The following LMLN variants were observed in gnomAD, a reference collection of about 807,000 sequenced individuals.
The protein encoded by LMLN is leishmanolysin-like peptidase.
LMLN carries 70 observed loss-of-function variants against 92.3 expected under a neutral mutation model. The observed-to-expected ratio is 0.76, with a 90% CI of 0.63 to 0.92. The LOEUF is 0.92. Ranked by LOEUF, LMLN falls within the 40% of genes least tolerant of loss-of-function variation. The pLI, the probability that LMLN is intolerant of heterozygous loss-of-function variation, is 0.00. For missense variants in LMLN, 691 were observed against 814.6 expected (o/e 0.85, Z 1.85); for synonymous variants, 308 against 296.2 (o/e 1.04, Z -0.41).
chr3:197,961,856 T>G (rs941420621), intron 1 of LMLN, among the ~76,000 whole-genome samples: 7 of 152,192 alleles, frequency 4.6e-5, no homozygotes, highest in African/African-American at 1.7e-4. Flanking sequence ...TACCTTTTAT[T>G]ACGCCGGTAC....
At chr3:198,008,556 T>C (rs1358159076) in intron 11 of LMLN, among the ~76,000 whole-genome samples, 2 of 152,116 alleles carry the variant, frequency 1.3e-5, no homozygotes, top group East Asian at 3.9e-4. Flanking sequence ...CGAAAGCCCA[T>C]CTCTACAACA....
intron 11 of LMLN, among the ~76,000 whole-genome samples, chr3:198,009,893 A>G (rs1157018487): frequency 6.6e-6 from 1 of 152,168 alleles, no homozygotes; most frequent in South Asian, 2.1e-4. Context: ...ATAGGCATAC[A>G]CTGTGAAATA....
chr3:198,042,037 C>T lies in LMLN; in HGVS notation c.*3370C>T, dbSNP rs1001704803. ...TGGGAACCTGGTCGCCCAGTGTTTT[C>T]TCTGGACAAATGTGAAACTGGATAA... is the stretch of plus-strand genomic sequence containing the variant. On this transcript the variant is annotated 3_prime_UTR_variant, in exon 16 of 16. Coordinates refer to ENST00000330198, the Ensembl canonical transcript of LMLN. This position sits in a 1 kb window ranked among gnomAD's most constrained non-coding sequence, Gnocchi z 4.2. 3 of 152,040 alleles carry T rather than the reference C, an allele frequency of 2.0e-5. No individual in the cohort carries two copies. The highest frequency in any genetic ancestry group is 7.3e-5 in the African/African-American group (3 of 41,350). 9.4% of individuals were successfully genotyped at this position (152,040 alleles called of 1,614,324 possible).
intron 1 of LMLN, among the ~76,000 whole-genome samples, chr3:197,973,911 A>G (rs1721298160): frequency 6.6e-6 from 1 of 152,178 alleles, no homozygotes; most frequent in South Asian, 2.1e-4. Context: ...ACCTTTCTTG[A>G]CTTCTTTTAT....
intron 8 of LMLN, among the ~76,000 whole-genome samples, chr3:197,986,509 T>G (rs1721710984): frequency 6.6e-6 from 1 of 152,096 alleles, no homozygotes. Context: ...AGTAATAAAT[T>G]CAGTTGTTAC....
At chr3:197,971,036 C>G (rs1268261211) in intron 1 of LMLN, among the ~76,000 whole-genome samples, 1 of 152,156 alleles carries the variant, frequency 6.6e-6, no homozygotes, top group Non-Finnish European at 1.5e-5. Flanking sequence ...TGGATATAGA[C>G]TTCTGTGTTG....
chr3:198,032,468 T>G (rs1470565241), intron 14 of LMLN, among the ~76,000 whole-genome samples: 1 of 152,188 alleles, frequency 6.6e-6, no homozygotes, highest in African/African-American at 2.4e-5. Context: ...CCATTTTGCG[T>G]TGCTGTAAAG....
At chr3:198,006,666 C>T (rs1199574673) in intron 11 of LMLN, among the ~76,000 whole-genome samples, 1 of 151,354 alleles carries the variant, frequency 6.6e-6, no homozygotes, top group African/African-American at 2.4e-5. Flanking sequence ...AACCTCTTTT[C>T]ATGTGCTTAC....
chr3:198,000,551 C>G (rs2109900648), intron 11 of LMLN, among the ~76,000 whole-genome samples: 1 of 152,314 alleles, frequency 6.6e-6, no homozygotes, highest in Non-Finnish European at 1.5e-5. Context: ...CCTCAGCCTC[C>G]TGAGTAGCTG....
chr3:198,024,591 A>G, intron 13 of LMLN, 67 bp from the exon 15 acceptor site: 1 of 1,310,406 alleles, frequency 7.6e-7, no homozygotes, highest in Non-Finnish European at 1.0e-6. Context: ...TAAAAATGGA[A>G]TGGTTCAGTT....
rs539723278 is a variant in LMLN, at chr3:198,021,670, C to T, written c.1525+65C>T. 3.1e-5 allele frequency: 45 copies of T among 1,429,594 alleles called. No individual in the cohort carries two copies. The South Asian group carries it at 4.8e-4, about 15-fold the overall frequency. 88.6% of individuals were successfully genotyped at this position (1,429,594 alleles called of 1,614,324 possible). On this transcript the variant is annotated intron_variant, in intron 13 of 15. Coordinates refer to ENST00000330198, the Ensembl canonical transcript of LMLN. ...AAATTATGTATTAGCAATATAGAATCGTGGTTAAGGGCACAGACCCTAGAG... is the reference window on the plus strand; with the variant it reads ...AAATTATGTATTAGCAATATAGAATTGTGGTTAAGGGCACAGACCCTAGAG...
chr3:198,036,560 T>C (rs1273219210), intron 15 of LMLN, among the ~76,000 whole-genome samples: 1 of 152,046 alleles, frequency 6.6e-6, no homozygotes, highest in Non-Finnish European at 1.5e-5. Flanking sequence ...CATTGAGGAA[T>C]AGGACCGAGT....
chr3:198,024,639 C>A lies in LMLN; in HGVS notation c.1526-19C>A, dbSNP rs780903768. 2 of 1,545,568 alleles carry A rather than the reference C, an allele frequency of 1.3e-6. No homozygotes were observed. The highest frequency in any genetic ancestry group is 2.5e-5 in the South Asian group (2 of 78,514). On this transcript the variant is annotated intron_variant, in intron 13 of 15. Transcript: ENST00000330198. ...AGCCAAAAGTCAATTTTTAAGGAGA[C>A]TTTTCTTCTTTGCCTCAGAAATTTT...
chr3:198,023,421 T>C (rs1217868275), intron 13 of LMLN, among the ~76,000 whole-genome samples: 4 of 152,222 alleles, frequency 2.6e-5, no homozygotes, highest in African/African-American at 9.6e-5. Context: ...ACTCCTGGCC[T>C]CAAGCGGTCC....
exon 16 of LMLN, chr3:198,038,630 C>A: frequency 6.2e-7 from 1 of 1,613,982 alleles, no homozygotes; most frequent in Non-Finnish European, 8.5e-7. Flanking sequence ...AATCTGTTTC[C>A]TCTGCTGGCT....
At chr3:198,021,010 C>T (rs1219804706) in intron 12 of LMLN, among the ~76,000 whole-genome samples, 1 of 151,774 alleles carries the variant, frequency 6.6e-6, no homozygotes, top group Non-Finnish European at 1.5e-5. Context: ...TATATGATCT[C>T]ATTTATTTTC....
At chr3:197,997,018 T>G (rs1260536426) in intron 10 of LMLN, among the ~76,000 whole-genome samples, 7 of 140,510 alleles carry the variant, frequency 5.0e-5, no homozygotes, top group African/African-American at 2.2e-4. Flanking sequence ...TTCTTTTCCT[T>G]TCTTTTCTTT....
At chr3:197,985,436 A>T (rs1255679160) in intron 7 of LMLN, among the ~76,000 whole-genome samples, 3 of 151,526 alleles carry the variant, frequency 2.0e-5, no homozygotes, top group Non-Finnish European at 4.4e-5. Context: ...CAGAGCAAAC[A>T]GGAATTAAAA....
intron 2 of LMLN, 121 bp from the exon 3 acceptor site, chr3:197,974,921 G>A: frequency 1.4e-6 from 1 of 692,106 alleles, no homozygotes; most frequent in Non-Finnish European, 2.6e-6. Flanking sequence ...TAAAAGAATG[G>A]CTGCTCCATA....
Sources: gnomAD v4.1 joint callset for allele counts (sites outside exome capture counted in the v4.1 genomes callset) on GRCh38, gnomAD v4.1.1 for gene constraint, Gnocchi (gnomAD v3.1) non-coding constraint, MANE v1.5 for transcripts, NCBI Gene and HGNC (gene_info 2026-07-23, HGNC 2026-07-21) for gene names.